Variants in EPHA6 observed in about 807,000 individuals in gnomAD.
EPHA6 encodes the protein ephrin type-A receptor 6.
In EPHA6, 50 loss-of-function variants were observed where a neutral mutation model predicts 112.0. That is an observed-to-expected ratio of 0.45 (90% CI 0.36 to 0.56). The LOEUF (loss-of-function observed/expected upper bound fraction) is 0.56. Ranked by LOEUF, EPHA6 falls within the 20% of genes least tolerant of loss-of-function variation. The pLI is 0.00. For synonymous variants in EPHA6, 529 were observed against 490.7 expected, an observed-to-expected ratio of 1.08 and a Z score of -1.03; for missense variants, 1,280 against 1,417.4, an observed-to-expected ratio of 0.90 and a Z score of 1.56.
At chr3:97,142,041 G>A (rs1046942378) in intron 3 of EPHA6, among the ~76,000 whole-genome samples, 2 of 151,932 alleles carry the variant, frequency 1.3e-5, no homozygotes, top group African/African-American at 4.8e-5. Flanking sequence ...TATTTATAGT[G>A]TTCTGTTTTT....
chr3:97,500,714 A>G (rs2092097112), intron 10 of EPHA6, among the ~76,000 whole-genome samples: 1 of 152,152 alleles, frequency 6.6e-6, no homozygotes, highest in African/African-American at 2.4e-5. Context: ...AATGACAGCT[A>G]TCTTCTGGAT....
intron 3 of EPHA6, among the ~76,000 whole-genome samples, chr3:97,162,406 G>T (rs9837769): frequency 0.11 from 16,486 of 152,110 alleles, 1,266 homozygotes; most frequent in African/African-American, 0.21. Flanking sequence ...TTCCTGAACT[G>T]GGGAAATAAC....
At chr3:97,204,129 T>A (rs2077652852) in intron 3 of EPHA6, among the ~76,000 whole-genome samples, 1 of 152,122 alleles carries the variant, frequency 6.6e-6, no homozygotes, top group Non-Finnish European at 1.5e-5. Flanking sequence ...AAGAGTAAAT[T>A]TTATCCATAT....
At chr3:97,312,587 A>T (rs183518772) in intron 5 of EPHA6, among the ~76,000 whole-genome samples, 1 of 151,718 alleles carries the variant, frequency 6.6e-6, no homozygotes, top group Non-Finnish European at 1.5e-5. Flanking sequence ...TCTGGTCCCA[A>T]TCATTTTGGA....
chr3:97,588,474 A>G (rs2093512647), intron 11 of EPHA6, among the ~76,000 whole-genome samples: 1 of 152,218 alleles, frequency 6.6e-6, no homozygotes, highest in Non-Finnish European at 1.5e-5. Context: ...CATTTATATT[A>G]CAGAGATATT....
intron 2 of EPHA6, among the ~76,000 whole-genome samples, chr3:96,958,142 T>G (rs1185792110): frequency 6.6e-6 from 1 of 152,062 alleles, no homozygotes; most frequent in Non-Finnish European, 1.5e-5. Context: ...AATACAAAAT[T>G]AGCCAGGCGT....
chr3:97,516,660 T>G lies in EPHA6; in HGVS notation c.2201-15698T>G, dbSNP rs1337865966. On this transcript the variant is annotated intron_variant, in intron 10 of 17. Coordinates refer to ENST00000389672, the MANE Select transcript of EPHA6 (RefSeq NM_001080448.3). The stretch of plus-strand genomic sequence containing the variant: ...TGAATTAAAAATCTAATGTTGTATG[T>G]TTTTTTCTCTATGTCTCTTCTTTTA... Among the ~76,000 whole-genome samples the G allele has an allele frequency of 5.3e-5, 8 of 152,286 alleles. No homozygotes were observed. The East Asian group carries it at 1.5e-3, about 29-fold the overall frequency.
intron 2 of EPHA6, among the ~76,000 whole-genome samples, chr3:96,879,833 A>G (rs1176853833): frequency 2.0e-5 from 3 of 152,098 alleles, no homozygotes; most frequent in African/African-American, 7.2e-5. Context: ...ATAGAGTGCT[A>G]CCAATTTGTG....
At chr3:97,637,820 C>G (rs796888697) in intron 13 of EPHA6, 53 bp from the exon 14 acceptor site, 3 of 1,324,958 alleles carry the variant, frequency 2.3e-6, no homozygotes, top group Admixed American at 3.4e-5. Flanking sequence ...AATACACACA[C>G]GCACACACTG....
intron 12 of EPHA6, among the ~76,000 whole-genome samples, chr3:97,601,569 C>T (rs901765662): frequency 1.4e-4 from 22 of 152,108 alleles, no homozygotes; most frequent in Non-Finnish European, 2.6e-4. Context: ...CCTATGACAC[C>T]ATGTTGGCTT....
chr3:96,871,601 TATAA>T (rs1241180307), intron 2 of EPHA6, among the ~76,000 whole-genome samples: 1 of 152,038 alleles, frequency 6.6e-6, no homozygotes, highest in Non-Finnish European at 1.5e-5. Context: ...TTCATTTAAA[TATAA>T]ATAAAATATA....
intron 13 of EPHA6, among the ~76,000 whole-genome samples, chr3:97,628,975 C>T (rs1324229032): frequency 2.0e-5 from 3 of 151,928 alleles, no homozygotes; most frequent in Non-Finnish European, 2.9e-5. Context: ...CTTTATTGCC[C>T]GGGCTGGAGT....
intron 6 of EPHA6, among the ~76,000 whole-genome samples, chr3:97,415,401 A>G (rs1329712369): frequency 1.3e-5 from 2 of 152,048 alleles, no homozygotes; most frequent in Non-Finnish European, 2.9e-5. Flanking sequence ...TTCATTGGAC[A>G]CCTTGAAGCT....
chr3:97,369,997 T>C (rs968696124), intron 5 of EPHA6, among the ~76,000 whole-genome samples: 8 of 152,172 alleles, frequency 5.3e-5, no homozygotes, highest in African/African-American at 1.9e-4. Flanking sequence ...AAAACTTTTT[T>C]ATTGATTTGG....
At chr3:97,717,801 C>T (rs892926986) in intron 14 of EPHA6, among the ~76,000 whole-genome samples, 2 of 151,802 alleles carry the variant, frequency 1.3e-5, no homozygotes, top group African/African-American at 2.4e-5. Context: ...AAAATAAAAC[C>T]GTATGAAGGA....
chr3:96,840,921 A>G (rs1030422462), intron 1 of EPHA6, among the ~76,000 whole-genome samples: 1 of 152,140 alleles, frequency 6.6e-6, no homozygotes, highest in South Asian at 2.1e-4. Context: ...AAAAGTAAAA[A>G]CAAAAATTAT....
At chr3:97,054,329 A>C (rs552830404) in intron 3 of EPHA6, among the ~76,000 whole-genome samples, 30 of 152,220 alleles carry the variant, frequency 2.0e-4, no homozygotes, top group African/African-American at 6.7e-4. Flanking sequence ...GTATTCACAA[A>C]CACCAGACTG....
Position 97,184,771 on chromosome 3 carries a change from A to T in EPHA6, c.1115-41493A>T, listed in dbSNP as rs544383639. On this transcript the variant is annotated intron_variant, in intron 3 of 17. Transcript: ENST00000389672. ...CACATTGCCAAGTCAATCCTAAGCC[A>T]AAAGAACAAAGCTGGAGGCATCACG... Among the ~76,000 whole-genome samples, 20 of 152,326 alleles carry T rather than the reference A, an allele frequency of 1.3e-4. No individual in the cohort carries two copies. The South Asian group carries it at 3.9e-3, about 30-fold the overall frequency.
chr3:97,219,395 G>T (rs1008387820), intron 3 of EPHA6, among the ~76,000 whole-genome samples: 1 of 152,120 alleles, frequency 6.6e-6, no homozygotes, highest in Non-Finnish European at 1.5e-5. Flanking sequence ...GTTAATCCAG[G>T]CATTTCCATA....
Sources: gnomAD v4.1 joint callset for allele counts (sites outside exome capture counted in the v4.1 genomes callset) on GRCh38, gnomAD v4.1.1 for gene constraint, MANE v1.5 for transcripts, NCBI Gene and HGNC (gene_info 2026-07-23, HGNC 2026-07-21) for gene names.